The following PHF20 variants were observed in gnomAD, a reference collection of about 807,000 sequenced individuals.
PHF20 encodes glioma-expressed antigen 2.
A neutral mutation model predicts 113.5 loss-of-function variants in PHF20; 23 were observed. The observed-to-expected ratio is 0.20, with a 90% CI of 0.15 to 0.29. The LOEUF is 0.29. Ranked by LOEUF, PHF20 falls within the 10% of genes least tolerant of loss-of-function variation. PHF20 has a pLI of 1.00. For missense variants in PHF20, 943 were observed against 1,219.6 expected (o/e 0.77, Z 3.38); for synonymous variants, 434 against 457.3 (o/e 0.95, Z 0.65).
At chr20:35,786,740 G>C (rs1182027960) in intron 1 of PHF20, among the ~76,000 whole-genome samples, 1 of 152,168 alleles carries the variant, frequency 6.6e-6, no homozygotes, top group Non-Finnish European at 1.5e-5. Context: ...CACTCAGAGA[G>C]TGTAGAGTAT....
chr20:35,888,160 T>C (rs1449111682), intron 9 of PHF20, among the ~76,000 whole-genome samples: 1 of 152,062 alleles, frequency 6.6e-6, no homozygotes, highest in Non-Finnish European at 1.5e-5. Flanking sequence ...TTGTATTTTT[T>C]AGTAGAAATG....
intron 9 of PHF20, among the ~76,000 whole-genome samples, chr20:35,892,587 T>A (rs1023523276): frequency 6.6e-6 from 1 of 152,220 alleles, no homozygotes; most frequent in Non-Finnish European, 1.5e-5. Flanking sequence ...TTTATTCATA[T>A]ATAATATTTT....
At chr20:35,946,681 A>AT (rs1285197573) in intron 17 of PHF20, among the ~76,000 whole-genome samples, 110 of 144,434 alleles carry the variant, frequency 7.6e-4, no homozygotes, top group African/African-American at 2.8e-3. Flanking sequence ...ATTTTATTTT[A>AT]TTTATTTTAT....
At chr20:35,827,247 A>G (rs889260116) in intron 2 of PHF20, among the ~76,000 whole-genome samples, 6 of 151,988 alleles carry the variant, frequency 3.9e-5, no homozygotes, top group Non-Finnish European at 7.4e-5. Context: ...GATTACAGGC[A>G]TGCGCCACCA....
At chr20:35,882,035 T>C (rs1430680329) in intron 9 of PHF20, among the ~76,000 whole-genome samples, 1 of 152,260 alleles carries the variant, frequency 6.6e-6, no homozygotes, top group Non-Finnish European at 1.5e-5. Context: ...TTAAATGTCA[T>C]CTTGAAATAG....
chr20:35,915,978 A>G (rs1254535895), intron 12 of PHF20, among the ~76,000 whole-genome samples: 3 of 152,122 alleles, frequency 2.0e-5, no homozygotes, highest in Admixed American at 1.3e-4. Context: ...TACAAAAAAT[A>G]CAAAAAAAGT....
chr20:35,940,418 T>A (rs113442819), intron 16 of PHF20, among the ~76,000 whole-genome samples: 1,609 of 126,782 alleles, frequency 0.013, 30 homozygotes, highest in African/African-American at 0.045. Context: ...TAGGTTTTAG[T>A]ACCCCCATCC....
chr20:35,863,434 T>G (rs765172410), intron 6 of PHF20, 34 bp downstream of exon 6: 1 of 1,542,466 alleles, frequency 6.5e-7, no homozygotes, highest in Non-Finnish European at 8.7e-7. Flanking sequence ...CAATGGGCAA[T>G]GCCAGAGTAT....
Position 35,850,256 on chromosome 20 carries a change from GACCTCACCTCTTTGCTGGGGCTGCTT to G in PHF20, c.340+2824_340+2849del, listed in dbSNP as rs1193521112. 7.4e-4 allele frequency among the ~76,000 whole-genome samples: 105 copies of G among 142,052 alleles called. 4 individuals are homozygous for G. Among genetic ancestry groups the G allele is most frequent in the Non-Finnish European group, 1.5e-4 (10 of 66,506 alleles). 93.2% of individuals were successfully genotyped at this position (142,052 alleles called of 152,430 possible). A position where few individuals can be genotyped will look rare whatever the true frequency, so the allele number is the denominator to read the frequency against. ...GTTTGGAAGCCATCTCTGGTGAGCT[GACCTCACCTCTTTGCTGGGGCTGCTT>G]AGCTTCCCCCTCCGTTTTTTTTTTT... On this transcript the variant is annotated intron_variant, in intron 4 of 17. Coordinates refer to ENST00000374012, the MANE Select transcript of PHF20 (RefSeq NM_016436.5).
chr20:35,936,628 T>A (rs2055871029), intron 15 of PHF20, among the ~76,000 whole-genome samples: 1 of 152,198 alleles, frequency 6.6e-6, no homozygotes, highest in African/African-American at 2.4e-5. Context: ...ATTTTCAGAA[T>A]AATTTTTAGA....
intron 16 of PHF20, among the ~76,000 whole-genome samples, 198 bp from the exon 17 acceptor site, chr20:35,940,666 G>C (rs977485282): frequency 1.3e-5 from 2 of 152,208 alleles, no homozygotes; most frequent in African/African-American, 4.8e-5. Flanking sequence ...CTGAGCTAGA[G>C]TGCTACCCTG....
rs563436173 is a variant in PHF20 at position 35,869,898 on chromosome 20, G to T, written c.922+347G>T. ...TTATTGGCCTGGCGCAGTGGCTCAT[G>T]CCTGTAATCCCAGCAGTTTGGGAGG... On this transcript the variant is annotated intron_variant, in intron 7 of 17. Transcript: ENST00000374012. Among the ~76,000 whole-genome samples the T allele has an allele frequency of 5.9e-5, 9 of 152,292 alleles. No homozygotes were observed. In the South Asian group the frequency reaches 1.9e-3, roughly 32 times the overall value.
Position 35,899,411 on chromosome 20 carries a change from A to T in PHF20, c.1324A>T (p.Asn442Tyr), listed in dbSNP as rs1038497612. Residue 442 changes from asparagine (N) to tyrosine (Y), a missense_variant, in exon 10 of 18, where the codon AAT (asparagine) becomes TAT (tyrosine). By Grantham distance (143) the Asn-to-Tyr change is moderately radical. This residue lies in a region of PHF20 where 592 missense variants were observed against 787.2 expected (regional missense o/e 0.75). Transcript: ENST00000374012. Reference protein sequence around the residue: ...FKKTDDFGSSNAPAVDLDHKF... With the variant: ...FKKTDDFGSSYAPAVDLDHKF... ...GAAAACAGATGATTTTGGGTCATCT[A>T]ATGCACCAGCTGTCGACCTAGACCA... The T allele has an allele frequency of 5.6e-6, 9 of 1,613,576 alleles. 1 individual carries two copies.
intron 2 of PHF20, among the ~76,000 whole-genome samples, chr20:35,826,455 G>A (rs2042263480): frequency 6.6e-6 from 1 of 152,172 alleles, no homozygotes; most frequent in African/African-American, 2.4e-5. Context: ...ACCAGGGTTG[G>A]GTGGCAGTTG....
chr20:35,903,892 G>C (rs2055150387), intron 10 of PHF20, among the ~76,000 whole-genome samples: 1 of 152,096 alleles, frequency 6.6e-6, no homozygotes, highest in African/African-American at 2.4e-5. Flanking sequence ...TCTCCAGAAG[G>C]CACCCCTGTT....
At chr20:35,814,669 C>G (rs1312830560) in intron 2 of PHF20, among the ~76,000 whole-genome samples, 2 of 147,156 alleles carry the variant, frequency 1.4e-5, no homozygotes, top group African/African-American at 5.0e-5. Flanking sequence ...GTCAGGAGAT[C>G]GAGACCATCC....
chr20:35,944,565 T>TTTTTA (rs1406501814), intron 17 of PHF20, among the ~76,000 whole-genome samples: 1 of 152,160 alleles, frequency 6.6e-6, no homozygotes, highest in East Asian at 1.9e-4. Flanking sequence ...CATTTATTTA[T>TTTTTA]TTTTATTTTA....
chr20:35,845,210 T>C (rs2042602030), intron 3 of PHF20, among the ~76,000 whole-genome samples: 1 of 151,910 alleles, frequency 6.6e-6, no homozygotes, highest in Admixed American at 6.5e-5. Flanking sequence ...GTTTTTTTTT[T>C]CTGTTCCTGT....
intron 6 of PHF20, among the ~76,000 whole-genome samples, chr20:35,868,611 A>AGC (rs1443364519): frequency 1.2e-4 from 17 of 146,106 alleles, no homozygotes; most frequent in African/African-American, 4.2e-4. Context: ...ATCTCAAAAA[A>AGC]ACAAGCAAGC....
Sources: gnomAD v4.1 joint callset for allele counts (sites outside exome capture counted in the v4.1 genomes callset) on GRCh38, gnomAD v4.1.1 for gene constraint, gnomAD v4.1.1 regional missense constraint, MANE v1.5 for transcripts, NCBI Gene and HGNC (gene_info 2026-07-23, HGNC 2026-07-21) for gene names.